Variants in NDUFS4 observed in about 807,000 individuals in gnomAD.
NDUFS4 encodes NADH:ubiquinone oxidoreductase subunit S4, also known as NADH dehydrogenase [ubiquinone] iron-sulfur protein 4, mitochondrial.
NDUFS4 carries 28 observed loss-of-function variants against 24.3 expected under a neutral mutation model. That is an observed-to-expected ratio of 1.15 (90% CI 0.85 to 1.58). The LOEUF is 1.58. NDUFS4 is among the 40% of genes most tolerant of loss of function. The probability of loss-of-function intolerance (pLI) is 0.00; values close to 1 mark genes in which losing one functional copy is unlikely to be tolerated. For missense variants in NDUFS4, 223 were observed against 207.9 expected, an observed-to-expected ratio of 1.07 and a Z score of -0.45; for synonymous variants, 93 against 69.7, an observed-to-expected ratio of 1.34 and a Z score of -1.67.
chr5:53,642,825 AT>A (rs1188305671), intron 2 of NDUFS4, among the ~76,000 whole-genome samples: 1 of 152,122 alleles, frequency 6.6e-6, no homozygotes, highest in Non-Finnish European at 1.5e-5. Flanking sequence ...CTCCTCCAAA[AT>A]TTAAAATTGT....
At chr5:53,598,135 G>T (rs1180981562) in intron 1 of NDUFS4, among the ~76,000 whole-genome samples, 1 of 152,020 alleles carries the variant, frequency 6.6e-6, no homozygotes, top group Non-Finnish European at 1.5e-5. Flanking sequence ...AGAGCAAGAA[G>T]TCTCATTTAT....
chr5:53,583,402 A>T (rs910392518), intron 1 of NDUFS4, among the ~76,000 whole-genome samples: 6 of 152,170 alleles, frequency 3.9e-5, no homozygotes, highest in Non-Finnish European at 7.3e-5. Flanking sequence ...GGGTTATTAG[A>T]ACTCTAAAGT....
intron 1 of NDUFS4, among the ~76,000 whole-genome samples, chr5:53,601,161 G>A (rs778598122): frequency 2.0e-5 from 3 of 151,832 alleles, no homozygotes; most frequent in Non-Finnish European, 4.4e-5. Flanking sequence ...CCGCTGCTAC[G>A]CCCGGCTAAT....
chr5:53,650,595 A>G (rs932790876), intron 3 of NDUFS4, among the ~76,000 whole-genome samples: 5 of 152,256 alleles, frequency 3.3e-5, no homozygotes, highest in African/African-American at 1.2e-4. Flanking sequence ...AAATAAGGAC[A>G]TTCCATTCCT....
intron 1 of NDUFS4, among the ~76,000 whole-genome samples, chr5:53,575,734 G>C (rs1749364674): frequency 6.6e-6 from 1 of 151,680 alleles, no homozygotes; most frequent in Admixed American, 6.6e-5. Flanking sequence ...AGAGATGGGG[G>C]TTTCACCATG....
At chr5:53,626,767 A>G (rs1052304058) in intron 2 of NDUFS4, among the ~76,000 whole-genome samples, 18 of 152,220 alleles carry the variant, frequency 1.2e-4, no homozygotes, top group Non-Finnish European at 2.1e-4. Flanking sequence ...AGTTCTTTGC[A>G]GATTCTGGAT....
chr5:53,575,407 G>A (rs1749350521), intron 1 of NDUFS4, among the ~76,000 whole-genome samples: 1 of 151,860 alleles, frequency 6.6e-6, no homozygotes, highest in Non-Finnish European at 1.5e-5. Flanking sequence ...TCTTACTCAG[G>A]ACAAGCCCAT....
intron 1 of NDUFS4, 139 bp from the exon 2 acceptor site, chr5:53,603,313 C>G: frequency 7.4e-4 from 462 of 621,344 alleles, no homozygotes; most frequent in Non-Finnish European, 9.4e-4. Context: ...GACTTTTGTG[C>G]CCTCTTCTCT....
intron 1 of NDUFS4, among the ~76,000 whole-genome samples, chr5:53,570,942 C>A (rs1378184146): frequency 2.0e-5 from 3 of 152,016 alleles, no homozygotes; most frequent in African/African-American, 7.2e-5. Context: ...CCTCGGCCTC[C>A]CAAAGCGCTG....
chr5:53,666,681 A>T (rs1752522621), intron 4 of NDUFS4, among the ~76,000 whole-genome samples: 1 of 152,186 alleles, frequency 6.6e-6, no homozygotes, highest in Admixed American at 6.5e-5. Context: ...CATGCCTGTA[A>T]TCCCAGTGCT....
chr5:53,663,347 TTG>T (rs1752403026), intron 4 of NDUFS4, among the ~76,000 whole-genome samples: 1 of 152,122 alleles, frequency 6.6e-6, no homozygotes, highest in African/African-American at 2.4e-5. Context: ...TCTATTAGGT[TTG>T]CTTGGTGCAG....
chr5:53,595,828 A>G (rs1012710670), intron 1 of NDUFS4, among the ~76,000 whole-genome samples: 1 of 152,190 alleles, frequency 6.6e-6, no homozygotes. Context: ...CACAACTGCT[A>G]TTAGTTCCTA....
chr5:53,607,259 A>G (rs886601265), intron 2 of NDUFS4, among the ~76,000 whole-genome samples: 1 of 152,226 alleles, frequency 6.6e-6, no homozygotes, highest in Non-Finnish European at 1.5e-5. Context: ...CGTTGTGCCC[A>G]TCTCTCCTTC....
chr5:53,573,797 G>A (rs533952440), intron 1 of NDUFS4: 1 of 241,380 alleles, frequency 4.1e-6, no homozygotes, highest in South Asian at 4.6e-5. Context: ...TTGCTATATT[G>A]CCCATGCTTG....
chr5:53,566,428 C>G (rs1030350669), intron 1 of NDUFS4, among the ~76,000 whole-genome samples: 4 of 152,176 alleles, frequency 2.6e-5, no homozygotes, highest in African/African-American at 9.7e-5. Context: ...GTATCAGCTA[C>G]TGTGCCAAGG....
At chr5:53,591,472 GGT>G (rs1749958821) in intron 1 of NDUFS4, among the ~76,000 whole-genome samples, 1 of 117,076 alleles carries the variant, frequency 8.5e-6, no homozygotes, top group African/African-American at 3.2e-5. Flanking sequence ...GGGGGGGGGG[GGT>G]GATAATAACT....
At chr5:53,581,516 A>G (rs1251173491) in intron 1 of NDUFS4, among the ~76,000 whole-genome samples, 3 of 152,018 alleles carry the variant, frequency 2.0e-5, no homozygotes, top group Non-Finnish European at 4.4e-5. Flanking sequence ...AGTATTTCTC[A>G]ACTGCTTGCA....
chr5:53,626,900 G>A (rs1003284240), intron 2 of NDUFS4, among the ~76,000 whole-genome samples: 1 of 152,140 alleles, frequency 6.6e-6, no homozygotes, highest in Admixed American at 6.5e-5. Flanking sequence ...GATCCCATAT[G>A]TCTATTTTGA....
At chr5:53,575,094 G>C (rs1263005269) in intron 1 of NDUFS4, among the ~76,000 whole-genome samples, 2 of 152,180 alleles carry the variant, frequency 1.3e-5, no homozygotes, top group Non-Finnish European at 1.5e-5. Flanking sequence ...GAAAAGAGAA[G>C]AAAATGGGGA....
Sources: gnomAD v4.1 joint callset for allele counts (sites outside exome capture counted in the v4.1 genomes callset) on GRCh38, gnomAD v4.1.1 for gene constraint, MANE v1.5 for transcripts, NCBI Gene and HGNC (gene_info 2026-07-23, HGNC 2026-07-21) for gene names.